Variants in TNPO1 observed in about 807,000 individuals in gnomAD.
The protein encoded by TNPO1 is transportin-1.
TNPO1 carries 8 observed loss-of-function variants against 119.5 expected under a neutral mutation model. That is an observed-to-expected ratio of 0.07 (90% confidence interval 0.04 to 0.12). The LOEUF (loss-of-function observed/expected upper bound fraction) is 0.12. Among genes scored for constraint, TNPO1 ranks in the 10% least tolerant of loss-of-function variants. TNPO1 has a pLI of 1.00. For synonymous variants in TNPO1, 362 were observed against 363.0 expected, an observed-to-expected ratio of 1.00 and a Z score of 0.03; for missense variants, 576 against 1,089.8, an observed-to-expected ratio of 0.53 and a Z score of 6.64.
chr5:72,838,664 T>C (rs1744794831), intron 1 of TNPO1, among the ~76,000 whole-genome samples: 5 of 152,184 alleles, frequency 3.3e-5, no homozygotes, highest in Admixed American at 2.0e-4. Context: ...ATGCATGTCA[T>C]CATATAAATC....
chr5:72,893,052 C>T, intron 15 of TNPO1, 87 bp from the exon 16 acceptor site: 2 of 970,880 alleles, frequency 2.1e-6, no homozygotes, highest in East Asian at 5.0e-5. Flanking sequence ...CATAAATGAT[C>T]AGGATCCTGT....
At chr5:72,902,151 T>C (rs1017874158) in intron 22 of TNPO1, among the ~76,000 whole-genome samples, 4 of 152,082 alleles carry the variant, frequency 2.6e-5, no homozygotes, top group Non-Finnish European at 4.4e-5. Context: ...ACAAGAGTTA[T>C]AAAACTGCCC....
At chr5:72,823,432 C>T (rs1744068655) in intron 1 of TNPO1, among the ~76,000 whole-genome samples, 1 of 152,162 alleles carries the variant, frequency 6.6e-6, no homozygotes, top group African/African-American at 2.4e-5. Flanking sequence ...CAGTGATACC[C>T]TCGTGCACTG....
chr5:72,839,518 TAAAC>T (rs1744822720), intron 1 of TNPO1, among the ~76,000 whole-genome samples: 1 of 152,192 alleles, frequency 6.6e-6, no homozygotes, highest in Non-Finnish European at 1.5e-5. Context: ...ACAAAGTAAA[TAAAC>T]ATTGTACTTA....
At position 72,816,687 on chromosome 5, in the gene TNPO1, C is replaced by T. The variant is rs550258528; in HGVS notation, c.-51C>T. 847 of 1,537,744 alleles carry T rather than the reference C, an allele frequency of 5.5e-4. 7 individuals are homozygous for T. The South Asian group carries it at 9.1e-3, about 16-fold the overall frequency. On this transcript the variant is annotated 5_prime_UTR_variant, in exon 1 of 25. Transcript: ENST00000337273. Reference sequence around the variant, plus strand: ...TTCCGCAGCCATTTCAGGCCCCGGACAGGAGGCAGTGCCGCTTCGGCCGAA... The same window carrying T: ...TTCCGCAGCCATTTCAGGCCCCGGATAGGAGGCAGTGCCGCTTCGGCCGAA...
intron 9 of TNPO1, among the ~76,000 whole-genome samples, chr5:72,879,436 G>A (rs1033557494): frequency 2.0e-5 from 3 of 152,156 alleles, no homozygotes; most frequent in South Asian, 2.1e-4. Flanking sequence ...AAACCAAGCA[G>A]GAAATTAAAA....
intron 6 of TNPO1, among the ~76,000 whole-genome samples, chr5:72,865,977 A>T (rs564086235): frequency 2.0e-5 from 3 of 152,340 alleles, no homozygotes; most frequent in East Asian, 3.9e-4. Context: ...AATTATATTC[A>T]TGATAGTTAA....
At chr5:72,831,191 T>C (rs1256066539) in intron 1 of TNPO1, among the ~76,000 whole-genome samples, 4 of 152,120 alleles carry the variant, frequency 2.6e-5, no homozygotes, top group African/African-American at 9.6e-5. Context: ...TCTGTAGAAC[T>C]TATTTCTGCA....
Position 72,848,351 on chromosome 5 carries a change from C to T in TNPO1, c.16-34C>T, listed in dbSNP as rs187050934. 2.4e-5 allele frequency: 38 copies of T among 1,596,566 alleles called. No homozygotes were observed. The African/African-American group carries it at 4.2e-4, about 18-fold the overall frequency. On this transcript the variant is annotated intron_variant, in intron 1 of 24. Coordinates refer to ENST00000337273, the MANE Select transcript of TNPO1 (RefSeq NM_002270.4). ...GCCTGTGCACCGGGAGTAACAGTTGCTCCGTCTCTTCCTGTGTCTGGCTTT... is the reference window on the plus strand; with the variant it reads ...GCCTGTGCACCGGGAGTAACAGTTGTTCCGTCTCTTCCTGTGTCTGGCTTT...
At chr5:72,866,573 A>G (rs1275090782) in intron 6 of TNPO1, among the ~76,000 whole-genome samples, 5 of 151,994 alleles carry the variant, frequency 3.3e-5, no homozygotes, top group Non-Finnish European at 7.4e-5. Flanking sequence ...GGGCAACGTG[A>G]TGAGACCCCA....
At chr5:72,896,783 C>G (rs535957281) in intron 19 of TNPO1, among the ~76,000 whole-genome samples, 1 of 152,246 alleles carries the variant, frequency 6.6e-6, no homozygotes, top group South Asian at 2.1e-4. Flanking sequence ...TCAGGAGAAT[C>G]ACTTGAACCT....
At chr5:72,875,850 T>G in intron 8 of TNPO1, 113 bp downstream of exon 8, 2 of 1,236,776 alleles carry the variant, frequency 1.6e-6, no homozygotes, top group South Asian at 3.4e-5. Context: ...ATAATTGTCT[T>G]AAAATTATAA....
chr5:72,844,425 T>G (rs1745040280), intron 1 of TNPO1, among the ~76,000 whole-genome samples: 1 of 152,202 alleles, frequency 6.6e-6, no homozygotes, highest in Admixed American at 6.5e-5. Context: ...AGGAAATCCC[T>G]ATGCAAAGGC....
intron 18 of TNPO1, among the ~76,000 whole-genome samples, chr5:72,893,984 C>T (rs1749241240): frequency 6.6e-6 from 1 of 152,180 alleles, no homozygotes; most frequent in South Asian, 2.1e-4. Context: ...CCAGGGAAGC[C>T]TTGGTACCAT....
At chr5:72,853,006 A>AACAGC (rs1745699762) in intron 3 of TNPO1, among the ~76,000 whole-genome samples, 1 of 152,210 alleles carries the variant, frequency 6.6e-6, no homozygotes, top group Non-Finnish European at 1.5e-5. Context: ...TGAAATTTTT[A>AACAGC]AATTTATTTT....
chr5:72,870,545 T>C (rs936130623), intron 6 of TNPO1, among the ~76,000 whole-genome samples: 2 of 152,246 alleles, frequency 1.3e-5, no homozygotes, highest in Admixed American at 6.5e-5. Context: ...CCCAGGCACT[T>C]ACTTGGTCTT....
rs1271281020 is a variant in TNPO1 at position 72,913,344 on chromosome 5, ATTCT to A, written c.*4674_*4677del. 1 of 152,412 alleles carries A rather than the reference ATTCT, an allele frequency of 6.6e-6. No individual in the cohort carries two copies. Among genetic ancestry groups the A allele is most frequent in the African/African-American group, 2.4e-5 (1 of 41,440 alleles). 9.4% of individuals were successfully genotyped at this position (152,412 alleles called of 1,614,324 possible). A position where few individuals can be genotyped will look rare whatever the true frequency, so the allele number is the denominator to read the frequency against. ...CCCATTAGCATTACTTACGTAGATA[ATTCT>A]TTATGCCTAGTTATTATACATATTA... On this transcript the variant is annotated 3_prime_UTR_variant, in exon 25 of 25. Coordinates refer to ENST00000337273, the MANE Select transcript of TNPO1 (RefSeq NM_002270.4).
rs369161569 is a variant in TNPO1 at position 72,847,033 on chromosome 5, ATTTTG to A, written c.16-1346_16-1342del. On this transcript the variant is annotated intron_variant, in intron 1 of 24. Coordinates refer to ENST00000337273, the MANE Select transcript of TNPO1 (RefSeq NM_002270.4). ...TACATTTTATGTCCAGATGGTGGTG[ATTTTG>A]TTTTGAGTTTTTTTTTGTTTAAGAA... Among the ~76,000 whole-genome samples the A allele has an allele frequency of 2.0e-3, 306 of 152,244 alleles. 3 individuals carry two copies. Among genetic ancestry groups the A allele is most frequent in the African/African-American group, 7.1e-3 (294 of 41,558 alleles).
Position 72,865,593 on chromosome 5 carries a change from C to T in TNPO1, c.463-3C>T, listed in dbSNP as rs756011765. 1 of 1,611,296 alleles carries T rather than the reference C, an allele frequency of 6.2e-7. No individual in the cohort carries two copies. Among genetic ancestry groups the T allele is most frequent in the East Asian group, 2.2e-5 (1 of 44,826 alleles). On this transcript the variant is annotated splice_region_variant and splice_polypyrimidine_tract_variant and intron_variant, in intron 5 of 24. Transcript: ENST00000337273. ...TCTGATAATTTAAATGTGTCTCTTA[C>T]AGGGAGCATTTGGTGCCCTTCAGAA...
Sources: gnomAD v4.1 joint callset for allele counts (sites outside exome capture counted in the v4.1 genomes callset) on GRCh38, gnomAD v4.1.1 for gene constraint, MANE v1.5 for transcripts, NCBI Gene and HGNC (gene_info 2026-07-23, HGNC 2026-07-21) for gene names.